Variants in ADD3 observed in about 807,000 individuals in gnomAD.
ADD3 encodes the protein gamma-adducin.
A neutral mutation model predicts 80.2 loss-of-function variants in ADD3; 25 were observed. That is an observed-to-expected ratio of 0.31 (90% confidence interval 0.23 to 0.44). The LOEUF is 0.44. Among genes scored for constraint, ADD3 ranks in the 20% least tolerant of loss-of-function variants. The pLI is 1.00. For missense variants in ADD3, 829 were observed against 847.5 expected, an observed-to-expected ratio of 0.98 and a Z score of 0.27; for synonymous variants, 284 against 289.6, an observed-to-expected ratio of 0.98 and a Z score of 0.20.
intron 1 of ADD3, among the ~76,000 whole-genome samples, chr10:110,095,701 A>C (rs1848070422): frequency 6.6e-6 from 1 of 152,240 alleles, no homozygotes; most frequent in Non-Finnish European, 1.5e-5. Context: ...CAAAGACGAG[A>C]AATAACCAGT....
At chr10:110,040,964 GTCTCTCTCTCTC>G in intron 1 of ADD3, among the ~76,000 whole-genome samples, 1 of 149,504 alleles carries the variant, frequency 6.7e-6, no homozygotes, top group East Asian at 1.9e-4. Context: ...GTCTCTCTCT[GTCTCTCTCTCTC>G]TCTCTCTCTC....
intron 1 of ADD3, among the ~76,000 whole-genome samples, chr10:110,099,599 A>G (rs1446406209): frequency 6.6e-6 from 1 of 152,222 alleles, no homozygotes; most frequent in Non-Finnish European, 1.5e-5. Flanking sequence ...TATGTATCTT[A>G]TATATTTGTA....
chr10:110,112,450 G>C, intron 2 of ADD3: 1 of 193,222 alleles, frequency 5.2e-6, no homozygotes, highest in Non-Finnish European at 1.1e-5. Flanking sequence ...GCAAGGAGTG[G>C]GTCACCTTTT....
At chr10:110,100,213 G>A (rs1001309460) in intron 1 of ADD3, among the ~76,000 whole-genome samples, 6 of 152,116 alleles carry the variant, frequency 3.9e-5, no homozygotes, top group Non-Finnish European at 8.8e-5. Flanking sequence ...AGCTGGGCAT[G>A]GTGGCACGCG....
At chr10:110,073,878 C>G (rs1845070197) in intron 1 of ADD3, among the ~76,000 whole-genome samples, 2 of 152,044 alleles carry the variant, frequency 1.3e-5, no homozygotes, top group African/African-American at 4.8e-5. Context: ...CCACCCCCGA[C>G]TAACATGAAT....
intron 1 of ADD3, among the ~76,000 whole-genome samples, chr10:110,053,802 T>G (rs1272501938): frequency 2.6e-5 from 4 of 152,226 alleles, no homozygotes; most frequent in African/African-American, 9.6e-5. Context: ...TTAATAAGTT[T>G]AACTTTTATG....
Position 110,042,417 on chromosome 10 carries a change from C to T in ADD3, c.-30+34118C>T, listed in dbSNP as rs182754164. ...TGGGGCAAGTAAAGCCTTTCTTGTT[C>T]GTGTTTGTCGGTCAGTCTTGCTCAA... On this transcript the variant is annotated intron_variant, in intron 1 of 14. Transcript: ENST00000356080. Among the ~76,000 whole-genome samples, 716 of 152,110 alleles carry T rather than the reference C, an allele frequency of 4.7e-3. 4 individuals carry two copies. The highest frequency in any genetic ancestry group is 0.016 in the African/African-American group (675 of 41,484).
chr10:110,024,244 A>G (rs1033118940), intron 1 of ADD3, among the ~76,000 whole-genome samples: 1 of 152,226 alleles, frequency 6.6e-6, no homozygotes, highest in African/African-American at 2.4e-5. Context: ...AATATCAGGT[A>G]TTGCATGTTG....
At chr10:109,997,268 T>C (rs1431101608) in intron 1 of ADD3, among the ~76,000 whole-genome samples, 2 of 152,220 alleles carry the variant, frequency 1.3e-5, no homozygotes, top group African/African-American at 4.8e-5. Flanking sequence ...AGAGATTATC[T>C]GTTTGATTCA....
At chr10:110,081,263 A>G (rs191545662) in intron 1 of ADD3, among the ~76,000 whole-genome samples, 7 of 152,186 alleles carry the variant, frequency 4.6e-5, no homozygotes, top group Non-Finnish European at 2.9e-5. Context: ...ATTTTTTGAC[A>G]TACAATTCCA....
In ADD3 at chr10:110,133,439, A is replaced by G. The variant is rs989050263; in HGVS notation, c.1942A>G (p.Arg648Gly). ...VEDELAKRVS[R>G]LSTSTTIENI... ...AGATGAGCTTGCTAAGCGAGTGAGT[A>G]GGTTAAGCACAAGTACAACCATAGA... is the stretch of plus-strand genomic sequence containing the variant. Residue 648 changes from arginine (R) to glycine (G), a missense_variant, in exon 15 of 15, where the codon AGG becomes GGG. Coordinates refer to ENST00000356080, the MANE Select transcript of ADD3 (RefSeq NM_016824.5). 6.2e-7 allele frequency: 1 copy of G among 1,613,914 alleles called. No individual in the cohort carries two copies.
upstream of ADD3, among the ~76,000 whole-genome samples, chr10:110,001,877 G>A (rs1467813235): frequency 2.0e-5 from 3 of 152,168 alleles, no homozygotes; most frequent in South Asian, 4.1e-4. Context: ...CTAGAGATTC[G>A]TAGCTGAAGT....
At position 110,133,523 on chromosome 10, in the gene ADD3, G is replaced by A; in HGVS notation, c.2026G>A (p.Gly676Ser). The A allele has an allele frequency of 1.2e-6, 2 of 1,613,116 alleles. No homozygotes were observed. The highest frequency in any genetic ancestry group is 1.7e-6 in the Non-Finnish European group (2 of 1,179,570). The change falls in exon 15 of 15, where the codon GGC becomes AGC. Residue 676 changes from glycine (G) to serine (S), a missense_variant. Gly to Ser is a moderately conservative substitution (Grantham distance 56). Coordinates refer to ENST00000356080, the MANE Select transcript of ADD3 (RefSeq NM_016824.5). ...AATCGAAGAAGTCCTGTCACCTGAA[G>A]GCTCCCCTTCAAAATCGCCATCCAA... ...EKIEEVLSPEGSPSKSPSKKK... is the reference protein window; with the variant it reads ...EKIEEVLSPESSPSKSPSKKK...
chr10:110,126,158 T>A (rs963879668), intron 11 of ADD3, among the ~76,000 whole-genome samples: 1 of 152,210 alleles, frequency 6.6e-6, no homozygotes, highest in Non-Finnish European at 1.5e-5. Flanking sequence ...TTGAACATTT[T>A]TCTGCGTTAG....
intron 1 of ADD3, among the ~76,000 whole-genome samples, chr10:110,062,557 G>A (rs1395242612): frequency 6.6e-6 from 1 of 152,110 alleles, no homozygotes; most frequent in Non-Finnish European, 1.5e-5. Context: ...TCCTGCCTGG[G>A]CAACAGAGCA....
intron 1 of ADD3, among the ~76,000 whole-genome samples, chr10:110,079,453 AGAGAGAGAGTGT>A (rs1428275087): frequency 9.6e-4 from 128 of 132,894 alleles, no homozygotes; most frequent in Middle Eastern, 3.5e-3. Context: ...AGAGAGAGAG[AGAGAGAGAGTGT>A]GTGTGTGTGT....
In ADD3 at chr10:110,134,128, A is replaced by T. The variant is rs964154673; in HGVS notation, c.*510A>T. ...AGTATACACTGGCACATAATTTTTT[A>T]AAAAGTTTTAAGAAAAGATTCATTT... On this transcript the variant is annotated 3_prime_UTR_variant, in exon 15 of 15. Transcript: ENST00000356080. 3 of 152,618 alleles carry T rather than the reference A, an allele frequency of 2.0e-5. No individual in the cohort carries two copies. Among genetic ancestry groups the T allele is most frequent in the Admixed American group, 6.5e-5 (1 of 15,282 alleles). 9.5% of individuals were successfully genotyped at this position (152,618 alleles called of 1,614,324 possible). A position where few individuals can be genotyped will look rare whatever the true frequency, so the allele number is the denominator to read the frequency against.
At position 110,048,271 on chromosome 10, in the gene ADD3, C is replaced by G. The variant is rs569548326; in HGVS notation, c.-30+39972C>G. Among the ~76,000 whole-genome samples the G allele has an allele frequency of 6.6e-5, 10 of 152,306 alleles. No individual in the cohort carries two copies. The East Asian group carries it at 1.9e-3, about 29-fold the overall frequency. The stretch of plus-strand genomic sequence containing the variant: ...ACTGTGAGTCCATAAATCTCTTTTT[C>G]TTTATGAACTATCCAGCCTTGGGTA... On this transcript the variant is annotated intron_variant, in intron 1 of 14. Transcript: ENST00000356080.
chr10:110,126,366 A>G (rs538876112), intron 11 of ADD3, 51 bp from the exon 12 acceptor site: 5 of 1,354,478 alleles, frequency 3.7e-6, no homozygotes, highest in South Asian at 2.4e-5. Flanking sequence ...AGCAAAGGTC[A>G]TCTGCATAGT....
Sources: allele counts gnomAD v4.1 joint callset (sites outside exome capture counted in the v4.1 genomes callset), GRCh38; gene constraint gnomAD v4.1.1; transcripts MANE v1.5; gene names NCBI Gene and HGNC (gene_info 2026-07-23, HGNC 2026-07-21).